The following IDO2 variants were observed in gnomAD, a reference collection of about 807,000 sequenced individuals.
IDO2 encodes indoleamine 2,3-dioxygenase 2.
A neutral mutation model predicts 45.1 loss-of-function variants in IDO2; 46 were observed. The observed-to-expected ratio is 1.02, with a 90% CI of 0.80 to 1.30. IDO2 has a LOEUF of 1.30. Ranked by LOEUF, IDO2 falls within the 50% of genes most tolerant of loss-of-function variation. IDO2 has a pLI of 0.00. For missense variants in IDO2, 544 were observed against 491.8 expected, an observed-to-expected ratio of 1.11 and a Z score of -1.00; for synonymous variants, 218 against 184.9, an observed-to-expected ratio of 1.18 and a Z score of -1.45.
At chr8:39,943,117 C>T (rs998839160) in intron 1 of IDO2, among the ~76,000 whole-genome samples, 3 of 152,206 alleles carry the variant, frequency 2.0e-5, no homozygotes, top group Middle Eastern at 6.8e-3. Context: ...CCTGTAATCC[C>T]AGCAGTTTGG....
chr8:39,949,474 T>C (rs1416658530), intron 2 of IDO2, among the ~76,000 whole-genome samples: 3 of 152,180 alleles, frequency 2.0e-5, no homozygotes, highest in Non-Finnish European at 4.4e-5. Context: ...GGAACATTTT[T>C]TGTTTCAGTT....
chr8:39,959,316 G>A (rs1420934983), intron 2 of IDO2, among the ~76,000 whole-genome samples: 5 of 151,330 alleles, frequency 3.3e-5, no homozygotes, highest in Non-Finnish European at 4.4e-5. Context: ...GGGTTTCACC[G>A]TGTTAGCCAG....
At chr8:39,959,844 G>T (rs1807966005) in intron 2 of IDO2, among the ~76,000 whole-genome samples, 1 of 152,122 alleles carries the variant, frequency 6.6e-6, no homozygotes, top group African/African-American at 2.4e-5. Context: ...AAATAAGTCA[G>T]AGATTGTGAA....
chr8:40,005,046 A>G (rs1380954831), intron 8 of IDO2, among the ~76,000 whole-genome samples: 1 of 152,254 alleles, frequency 6.6e-6, no homozygotes, highest in African/African-American at 2.4e-5. Flanking sequence ...AAATTTTAAA[A>G]GATGGCCTTG....
At chr8:39,954,702 C>T (rs909618006) in intron 2 of IDO2, among the ~76,000 whole-genome samples, 1 of 134,158 alleles carries the variant, frequency 7.5e-6, no homozygotes, top group African/African-American at 2.8e-5. Context: ...GTCACCCAGG[C>T]TGGAGTGCAG....
intron 8 of IDO2, among the ~76,000 whole-genome samples, chr8:39,996,169 C>T (rs934021956): frequency 2.6e-5 from 4 of 151,958 alleles, no homozygotes; most frequent in South Asian, 2.1e-4. Flanking sequence ...AGACTCTGCT[C>T]CACCACCTCT....
intron 7 of IDO2, among the ~76,000 whole-genome samples, chr8:39,988,471 G>A (rs368428300): frequency 1.4e-4 from 21 of 152,256 alleles, no homozygotes; most frequent in South Asian, 6.2e-4. Flanking sequence ...TCGCTCTGTC[G>A]CTCAGGCCAG....
chr8:39,988,708 T>C (rs1299550327), intron 7 of IDO2, among the ~76,000 whole-genome samples: 1 of 152,122 alleles, frequency 6.6e-6, no homozygotes, highest in Non-Finnish European at 1.5e-5. Context: ...TGAGCCACCC[T>C]GCCCAGCCAA....
At chr8:39,943,592 C>G (rs1304656278) in intron 1 of IDO2, among the ~76,000 whole-genome samples, 1 of 151,840 alleles carries the variant, frequency 6.6e-6, no homozygotes, top group South Asian at 2.1e-4. Context: ...AAAAAATTAG[C>G]CGGGCGAGGT....
intron 5 of IDO2, 190 bp from the exon 6 acceptor site, chr8:39,985,318 A>G (rs990803308): frequency 7.7e-5 from 47 of 609,918 alleles, no homozygotes; most frequent in Non-Finnish European, 1.4e-4. Context: ...ATAGCACCCC[A>G]TAGTCCAGCC....
chr8:40,007,369 G>A (rs939247060), intron 9 of IDO2, among the ~76,000 whole-genome samples: 3 of 152,044 alleles, frequency 2.0e-5, no homozygotes, highest in Admixed American at 2.0e-4. Flanking sequence ...CAGCCTGGGA[G>A]GGAGTGGGGA....
chr8:39,993,574 A>G (rs1801982549), intron 8 of IDO2, among the ~76,000 whole-genome samples: 1 of 152,198 alleles, frequency 6.6e-6, no homozygotes, highest in Admixed American at 6.5e-5. Flanking sequence ...GATTTCATGG[A>G]AGGAATTTTC....
In IDO2 at chr8:39,985,599, G is replaced by T. The variant is rs1563435242; in HGVS notation, c.449+77G>T. 2 of 1,233,380 alleles carry T rather than the reference G, an allele frequency of 1.6e-6. 1 individual carries two copies. Among genetic ancestry groups the T allele is most frequent in the South Asian group, 2.7e-5 (2 of 75,286 alleles). The allele number at this position is 1,233,380 out of a possible 1,614,324, so 76.4% of individuals were successfully genotyped here. ...ATCTTACAATAAAACAAAGAACAAA[G>T]CATGCTAAATTATATGTATAATATA... is the stretch of plus-strand genomic sequence containing the variant. On this transcript the variant is annotated intron_variant, in intron 6 of 10. Coordinates refer to ENST00000502986, the Ensembl canonical transcript of IDO2.
chr8:39,964,436 A>G (rs925553704), intron 3 of IDO2, among the ~76,000 whole-genome samples: 5 of 152,236 alleles, frequency 3.3e-5, no homozygotes, highest in African/African-American at 9.6e-5. Flanking sequence ...AATAGCATTC[A>G]GTATACATTC....
At chr8:40,015,855 C>A (rs1563445240) in exon 11 of IDO2, 3 of 436,760 alleles carry the variant, frequency 6.9e-6, no homozygotes, top group African/African-American at 4.0e-5. Context: ...TCATGCAGAA[C>A]CCCCAGAGGA....
chr8:40,015,722 G>C, exon 11 of IDO2: 1 of 711,834 alleles, frequency 1.4e-6, no homozygotes, highest in Non-Finnish European at 2.4e-6. Flanking sequence ...TCATGTTTCT[G>C]CTCTACAGAG....
chr8:39,999,607 G>T (rs144272421), intron 8 of IDO2, among the ~76,000 whole-genome samples: 1 of 150,476 alleles, frequency 6.6e-6, no homozygotes, highest in African/African-American at 2.5e-5. Context: ...ATTTTTACAG[G>T]CACCTGCCAA....
intron 2 of IDO2, among the ~76,000 whole-genome samples, chr8:39,951,887 GAAA>G (rs1301171208): frequency 6.6e-6 from 1 of 152,136 alleles, no homozygotes; most frequent in Non-Finnish European, 1.5e-5. Context: ...CATAACTACG[GAAA>G]CAGATGAGAA....
chr8:39,967,456 T>A (rs528487311), intron 3 of IDO2, among the ~76,000 whole-genome samples: 1 of 152,310 alleles, frequency 6.6e-6, no homozygotes, highest in African/African-American at 2.4e-5. Context: ...TACATACGAC[T>A]GTTTACCTGT....
Sources: gnomAD v4.1 joint callset for allele counts (sites outside exome capture counted in the v4.1 genomes callset) on GRCh38, gnomAD v4.1.1 for gene constraint, MANE v1.5 for transcripts, NCBI Gene and HGNC (gene_info 2026-07-23, HGNC 2026-07-21) for gene names.